ZFHX4: variants seen among roughly 807,000 people sequenced by gnomAD.
The protein encoded by ZFHX4 is zinc finger homeobox protein 4.
In ZFHX4, 56 loss-of-function variants were observed where a neutral mutation model predicts 267.6. The ratio of observed to expected loss-of-function variants is 0.21; its 90% CI spans 0.17 to 0.26. The LOEUF is 0.26. Ranked by LOEUF, ZFHX4 falls within the 10% of genes least tolerant of loss-of-function variation. The pLI, the probability that ZFHX4 is intolerant of heterozygous loss-of-function variation, is 1.00. For missense variants in ZFHX4, 4,332 were observed against 4,420.0 expected, an observed-to-expected ratio of 0.98 and a Z score of 0.56; for synonymous variants, 1,778 against 1,665.6, an observed-to-expected ratio of 1.07 and a Z score of -1.64.
intron 3 of ZFHX4, chr8:76,733,529 G>T (rs186466389): frequency 1.3e-5 from 2 of 152,300 alleles, no homozygotes; most frequent in East Asian, 3.9e-4. Flanking sequence ...GGATGTTAAA[G>T]AACTATTTTA....
At chr8:76,750,812 C>T (rs931592882) in intron 3 of ZFHX4, among the ~76,000 whole-genome samples, 1 of 152,070 alleles carries the variant, frequency 6.6e-6, no homozygotes, top group Non-Finnish European at 1.5e-5. Flanking sequence ...CTCCTTTGTT[C>T]TCTTTTACTA....
Position 76,822,450 on chromosome 8 carries a change from C to CTG in ZFHX4, c.3326-10887_3326-10886insGT, listed in dbSNP as rs1418711368. Among the ~76,000 whole-genome samples the CTG allele has an allele frequency of 5.7e-4, 79 of 137,452 alleles. 1 individual carries two copies. The highest frequency in any genetic ancestry group is 3.2e-3 in the East Asian group (14 of 4,370). The allele number at this position is 137,452 out of a possible 152,430, so 90.2% of individuals were successfully genotyped here. A position where few individuals can be genotyped will look rare whatever the true frequency, so the allele number is the denominator to read the frequency against. ...AATCACTATCTGATCCTGTGTCTAC[C>CTG]TCTTTTTTTTTTTTTTTTTTTTTTG... On this transcript the variant is annotated intron_variant, in intron 4 of 10. Transcript: ENST00000651372.
intron 4 of ZFHX4, among the ~76,000 whole-genome samples, chr8:76,807,866 A>G (rs1269176653): frequency 6.6e-6 from 1 of 152,146 alleles, no homozygotes; most frequent in East Asian, 1.9e-4. Flanking sequence ...TATAAATCTT[A>G]TCTATGCATG....
intron 5 of ZFHX4, among the ~76,000 whole-genome samples, chr8:76,835,962 T>C (rs117567382): frequency 0.024 from 3,703 of 152,274 alleles, 95 homozygotes; most frequent in Non-Finnish European, 0.036. Context: ...AAATTGAACT[T>C]TCTTTTCTGC....
At chr8:76,824,204 A>G (rs984944925) in intron 4 of ZFHX4, among the ~76,000 whole-genome samples, 2 of 152,142 alleles carry the variant, frequency 1.3e-5, no homozygotes, top group African/African-American at 4.8e-5. Flanking sequence ...AGTATTATCT[A>G]TCTTTGGTTT....
At chr8:76,819,340 T>C (rs911242375) in intron 4 of ZFHX4, among the ~76,000 whole-genome samples, 9 of 152,128 alleles carry the variant, frequency 5.9e-5, no homozygotes, top group Admixed American at 2.0e-4. Context: ...ATGTAAGTCA[T>C]TTTTATATCT....
intron 3 of ZFHX4, among the ~76,000 whole-genome samples, chr8:76,717,293 C>A (rs75156554): frequency 6.6e-6 from 1 of 152,254 alleles, no homozygotes; most frequent in African/African-American, 2.4e-5. Flanking sequence ...TAATACACTC[C>A]TTTCCTCTCT....
chr8:76,793,360 T>C (rs1810889811), intron 4 of ZFHX4, among the ~76,000 whole-genome samples: 1 of 152,226 alleles, frequency 6.6e-6, no homozygotes, highest in Non-Finnish European at 1.5e-5. Flanking sequence ...CATTTGTTGA[T>C]TTATAAAATA....
intron 3 of ZFHX4, among the ~76,000 whole-genome samples, chr8:76,714,942 T>C (rs1563479891): frequency 6.6e-6 from 1 of 152,170 alleles, no homozygotes. Flanking sequence ...TTTTCAGCAA[T>C]GTTTAGTCAA....
At chr8:76,713,270 GAGAT>G (rs1336736966) in intron 3 of ZFHX4, among the ~76,000 whole-genome samples, 16 of 130,856 alleles carry the variant, frequency 1.2e-4, no homozygotes, top group Admixed American at 8.2e-4. Context: ...AAAGGATAGA[GAGAT>G]AGATAGAAAG....
intron 3 of ZFHX4, among the ~76,000 whole-genome samples, chr8:76,711,203 A>G (rs547961491): frequency 3.3e-5 from 5 of 152,272 alleles, no homozygotes; most frequent in Non-Finnish European, 7.4e-5. Flanking sequence ...ATTATTTTCC[A>G]TAGAATTTTT....
chr8:76,834,399 T>A, intron 5 of ZFHX4: 1 of 222,052 alleles, frequency 4.5e-6, no homozygotes, highest in South Asian at 6.4e-5. Context: ...CAGCATTTGA[T>A]GTTGTCAGTG....
chr8:76,768,632 A>T (rs1034903701), intron 3 of ZFHX4, among the ~76,000 whole-genome samples: 2 of 152,210 alleles, frequency 1.3e-5, no homozygotes, highest in African/African-American at 4.8e-5. Context: ...AGAGGAGCAG[A>T]TGCAGGACTA....
chr8:76,852,970 C>G lies in ZFHX4; in HGVS notation c.6049C>G (p.Pro2017Ala). ...TCCTCCTCCCTTGCCTCCGGCTCCT[C>G]CACAGCCTTCTTCTATGGGTCCTGT... The part of the protein sequence containing the change: ...PPPPPLPPAP[P>A]QPSSMGPVKI... Residue 2017 changes from proline (P) to alanine (A), a missense_variant, in exon 10 of 11, where the codon CCA (proline) becomes GCA (alanine). Physicochemically the swap from Pro to Ala is conservative, Grantham distance 27. Coordinates refer to ENST00000651372, the MANE Select transcript of ZFHX4 (RefSeq NM_024721.5). The G allele has an allele frequency of 6.4e-7, 1 of 1,559,704 alleles. No homozygotes were observed. The highest frequency in any genetic ancestry group is 8.7e-7 in the Non-Finnish European group (1 of 1,150,534).
Position 76,704,532 on chromosome 8 carries a change from T to C in ZFHX4, c.444T>C (p.Ser148=). The C allele has an allele frequency of 6.2e-7, 1 of 1,613,948 alleles. No homozygotes were observed. The highest frequency in any genetic ancestry group is 8.5e-7 in the Non-Finnish European group (1 of 1,179,882). The change falls in exon 2 of 11, where the codon AGT becomes AGC. Residue 148 remains serine (S), a synonymous_variant. Coordinates refer to ENST00000651372, the MANE Select transcript of ZFHX4 (RefSeq NM_024721.5). ...SAYIIEDSKE[S]GQNAQTGANS... ...ATATAATTGAGGACTCCAAAGAAAG[T>C]GGGCAGAATGCACAGACTGGGGCAA...
chr8:76,689,807 T>G (rs1585849807), intron 1 of ZFHX4, among the ~76,000 whole-genome samples: 1 of 152,138 alleles, frequency 6.6e-6, no homozygotes, highest in Non-Finnish European at 1.5e-5. Flanking sequence ...AAGGCATATT[T>G]GAGTTTATGC....
intron 7 of ZFHX4, 109 bp from the exon 8 acceptor site, chr8:76,849,403 A>G: frequency 9.6e-7 from 1 of 1,037,522 alleles, no homozygotes; most frequent in Non-Finnish European, 1.5e-6. Flanking sequence ...ATTATTACAC[A>G]TTGTAAGCAT....
chr8:76,864,559 T>A lies in ZFHX4; in HGVS notation c.10845T>A (p.Ser3615Arg). 1 of 1,553,538 alleles carries A rather than the reference T, an allele frequency of 6.4e-7. No homozygotes were observed. The highest frequency in any genetic ancestry group is 1.2e-5 in the South Asian group (1 of 81,298). ...ATAGCATCCGAATGGATATGTTCAG[T>A]GTGTAGGAGTGAAGACAGGATCCCG... is the stretch of plus-strand genomic sequence containing the variant. ...NFNSIRMDMF[S>R]V The change falls in exon 11 of 11, where the codon AGT becomes AGA. Residue 3615 changes from serine (S) to arginine (R), a missense_variant. By Grantham distance (110) the Ser-to-Arg change is moderately radical. Transcript: ENST00000651372.
Position 76,863,351 on chromosome 8 carries a change from G to GA in ZFHX4, c.9642dup (p.His3215ThrfsTer21). ...GGAGGAATTAGAGGCCACCAAACCC[G>GA]AAAAACACCCCAAAAAAGAGGAAAA... On this transcript the variant is annotated frameshift_variant, in exon 11 of 11. Transcript: ENST00000651372. LOFTEE classifies it high-confidence loss of function. The GA allele has an allele frequency of 6.2e-7, 1 of 1,613,766 alleles. No homozygotes were observed.
Sources: allele counts gnomAD v4.1 joint callset (sites outside exome capture counted in the v4.1 genomes callset), GRCh38; gene constraint gnomAD v4.1.1; transcripts MANE v1.5; gene names NCBI Gene and HGNC (gene_info 2026-07-23, HGNC 2026-07-21).